Variants in SHLD1 observed in about 807,000 individuals in gnomAD.
The protein encoded by SHLD1 is RINN1-REV7-interacting novel NHEJ regulator 3.
SHLD1 carries 3 observed loss-of-function variants against 5.5 expected under a neutral mutation model. The observed-to-expected ratio is 0.54, with a 90% CI of 0.25 to 1.40. SHLD1 has a LOEUF of 1.40. SHLD1 is among the 40% of genes most tolerant of loss of function. The probability of loss-of-function intolerance (pLI) is 0.15; values close to 1 mark genes in which losing one functional copy is unlikely to be tolerated. For synonymous variants in SHLD1, 92 were observed against 94.3 expected, an observed-to-expected ratio of 0.98 and a Z score of 0.14; for missense variants, 210 against 244.4, an observed-to-expected ratio of 0.86 and a Z score of 0.94.
intron 2 of SHLD1, among the ~76,000 whole-genome samples, chr20:5,839,359 C>T (rs2087827280): frequency 1.3e-5 from 2 of 152,192 alleles, no homozygotes; most frequent in South Asian, 4.1e-4. Context: ...TCACTTCTCT[C>T]CAGCTTTAGC....
chr20:5,772,251 C>G (rs1430072787), intron 1 of SHLD1: 8 of 436,826 alleles, frequency 1.8e-5, no homozygotes, highest in African/African-American at 1.0e-4. Flanking sequence ...CATCACTACT[C>G]TTGTGTTTTG....
chr20:5,842,937 A>G (rs751687117), intron 2 of SHLD1, among the ~76,000 whole-genome samples: 2 of 152,114 alleles, frequency 1.3e-5, no homozygotes, highest in South Asian at 4.1e-4. Context: ...TATTTCTTTA[A>G]CATATTAAGC....
chr20:5,840,130 C>T (rs984692116), intron 2 of SHLD1, among the ~76,000 whole-genome samples: 2 of 152,148 alleles, frequency 1.3e-5, no homozygotes, highest in African/African-American at 4.8e-5. Flanking sequence ...GCCTGTTCAC[C>T]ATATTGTTAT....
chr20:5,775,225 T>G (rs1458409045), intron 2 of SHLD1, among the ~76,000 whole-genome samples: 5 of 151,914 alleles, frequency 3.3e-5, no homozygotes, highest in Non-Finnish European at 2.9e-5. Context: ...AATTTTTTTG[T>G]AGAGACAGGG....
At chr20:5,838,216 G>A (rs764921008) in intron 2 of SHLD1, among the ~76,000 whole-genome samples, 7 of 152,162 alleles carry the variant, frequency 4.6e-5, no homozygotes, top group Admixed American at 3.3e-4. Context: ...ATGCTTACCT[G>A]CTGTAATAGG....
rs149806875 is a variant in SHLD1, at chr20:5,757,650, C to T, written c.-5+7171C>T. On this transcript the variant is annotated intron_variant, in intron 1 of 2. Coordinates refer to ENST00000303142, the MANE Select transcript of SHLD1 (RefSeq NM_152504.4). The stretch of plus-strand genomic sequence containing the variant: ...GGAGTTTCACTCTTGTTGCCTAGGC[C>T]GGAGTGCAGTGGCACCAACTCTGCT... 3.2e-3 allele frequency among the ~76,000 whole-genome samples: 490 copies of T among 152,060 alleles called. 5 individuals are homozygous for T. The highest frequency in any genetic ancestry group is 0.011 in the African/African-American group (454 of 41,484).
At chr20:5,817,424 CTCTCTCTCTGTGTGTGTGTG>C (rs1345489814) in intron 2 of SHLD1, among the ~76,000 whole-genome samples, 13 of 130,238 alleles carry the variant, frequency 1.0e-4, no homozygotes, top group African/African-American at 4.5e-4. Flanking sequence ...CTCTCTCTCT[CTCTCTCTCTGTGTGTGTGTG>C]TGTGTGTGTG....
chr20:5,789,819 C>T (rs911397183), intron 2 of SHLD1, among the ~76,000 whole-genome samples: 7 of 152,082 alleles, frequency 4.6e-5, no homozygotes, highest in African/African-American at 1.7e-4. Flanking sequence ...TCCTACCCAA[C>T]TGAAGAAGGT....
At chr20:5,752,677 T>C (rs1983830236) in intron 1 of SHLD1, among the ~76,000 whole-genome samples, 1 of 150,032 alleles carries the variant, frequency 6.7e-6, no homozygotes, top group African/African-American at 2.5e-5. Flanking sequence ...AGTGCAGTAG[T>C]GCGATCTCGG....
chr20:5,851,634 A>G (rs2088011687), intron 2 of SHLD1, among the ~76,000 whole-genome samples: 1 of 151,982 alleles, frequency 6.6e-6, no homozygotes, highest in Non-Finnish European at 1.5e-5. Context: ...ATAAAAACCT[A>G]AACTATTAAT....
At chr20:5,827,442 A>C (rs2087679480) in intron 2 of SHLD1, among the ~76,000 whole-genome samples, 1 of 152,162 alleles carries the variant, frequency 6.6e-6, no homozygotes, top group South Asian at 2.1e-4. Context: ...TATAGACCAG[A>C]GGTCAAGTGG....
At chr20:5,784,254 C>T (rs181991811) in intron 2 of SHLD1, among the ~76,000 whole-genome samples, 1 of 151,914 alleles carries the variant, frequency 6.6e-6, no homozygotes, top group African/African-American at 2.4e-5. Flanking sequence ...CACCCAAGGC[C>T]ATGTAGTAAC....
At chr20:5,773,101 T>G (rs751817052) in intron 2 of SHLD1, 58 bp downstream of exon 2, 2 of 1,560,150 alleles carry the variant, frequency 1.3e-6, no homozygotes, top group Non-Finnish European at 1.8e-6. Flanking sequence ...AATACGGGTG[T>G]GTGATAGTTT....
At chr20:5,784,193 T>C (rs1325735810) in intron 2 of SHLD1, among the ~76,000 whole-genome samples, 4 of 150,504 alleles carry the variant, frequency 2.7e-5, no homozygotes, top group Non-Finnish European at 4.4e-5. Context: ...GCCCAGCTAA[T>C]CCTCTCATTT....
chr20:5,821,186 A>AT (rs2087601485), intron 2 of SHLD1, among the ~76,000 whole-genome samples: 1 of 152,180 alleles, frequency 6.6e-6, no homozygotes, highest in Admixed American at 6.6e-5. Flanking sequence ...TGTGACCAAC[A>AT]TTTTTTTAGC....
intron 2 of SHLD1, among the ~76,000 whole-genome samples, chr20:5,774,071 G>T (rs1379459935): frequency 6.6e-6 from 1 of 152,088 alleles, no homozygotes; most frequent in Non-Finnish European, 1.5e-5. Flanking sequence ...AGGTGTGGTG[G>T]CGGGCGCCTG....
chr20:5,821,278 T>G (rs921749280), intron 2 of SHLD1, among the ~76,000 whole-genome samples: 7 of 152,028 alleles, frequency 4.6e-5, no homozygotes, highest in Non-Finnish European at 7.4e-5. Context: ...TTTGGGAGGC[T>G]GAGGTGGGCG....
At chr20:5,766,833 G>A (rs185975582) in intron 1 of SHLD1, among the ~76,000 whole-genome samples, 341 of 152,054 alleles carry the variant, frequency 2.2e-3, no homozygotes, top group African/African-American at 8.0e-3. Context: ...TTGAACTCTT[G>A]GCCTCAAGCA....
At chr20:5,776,443 CAT>C (rs1600110162) in intron 2 of SHLD1, among the ~76,000 whole-genome samples, 1 of 152,094 alleles carries the variant, frequency 6.6e-6, no homozygotes, top group East Asian at 1.9e-4. Context: ...GCACTAATGC[CAT>C]CATGAGGCTT....
Sources: allele counts gnomAD v4.1 joint callset (sites outside exome capture counted in the v4.1 genomes callset), GRCh38; gene constraint gnomAD v4.1.1; transcripts MANE v1.5; gene names NCBI Gene and HGNC (gene_info 2026-07-23, HGNC 2026-07-21).